The following SLC35F3 variants were observed in gnomAD, a reference collection of about 807,000 sequenced individuals.
SLC35F3 encodes solute carrier family 35 member F3, also known as putative thiamine transporter SLC35F3.
Under a neutral mutation model 49.9 loss-of-function variants are expected in SLC35F3, and 25 were observed. The ratio of observed to expected loss-of-function variants is 0.50; its 90% CI spans 0.37 to 0.70. The LOEUF (loss-of-function observed/expected upper bound fraction) is 0.70, where lower values mean the gene tolerates loss of function less well. Ranked by LOEUF, SLC35F3 falls within the 30% of genes least tolerant of loss-of-function variation. The pLI, the probability that SLC35F3 is intolerant of heterozygous loss-of-function variation, is 0.00. For missense variants in SLC35F3, 525 were observed against 639.8 expected (o/e 0.82, Z 1.94); for synonymous variants, 275 against 265.4 (o/e 1.04, Z -0.35).
intron 2 of SLC35F3, among the ~76,000 whole-genome samples, chr1:234,103,443 C>T (rs1471711870): frequency 6.6e-6 from 1 of 152,114 alleles, no homozygotes; most frequent in Non-Finnish European, 1.5e-5. Flanking sequence ...CATGAGCAAG[C>T]GTTCTCCAAA....
chr1:234,243,415 A>G (rs1161757172), intron 3 of SLC35F3, among the ~76,000 whole-genome samples: 1 of 152,202 alleles, frequency 6.6e-6, no homozygotes, highest in African/African-American at 2.4e-5. Flanking sequence ...CTTTATTATT[A>G]GATAACCGAC....
chr1:234,169,682 A>G (rs1666369032), intron 2 of SLC35F3, among the ~76,000 whole-genome samples: 1 of 152,162 alleles, frequency 6.6e-6, no homozygotes. Context: ...TTTCCTCACC[A>G]TGGCCCAGTA....
chr1:233,908,918 C>T (rs1388405875), intron 2 of SLC35F3, among the ~76,000 whole-genome samples: 2 of 151,970 alleles, frequency 1.3e-5, no homozygotes, highest in Non-Finnish European at 2.9e-5. Flanking sequence ...TGCAGTGGCA[C>T]AATCTCAGCT....
At chr1:233,911,289 G>T (rs1394153425) in intron 2 of SLC35F3, among the ~76,000 whole-genome samples, 1 of 152,030 alleles carries the variant, frequency 6.6e-6, no homozygotes, top group Non-Finnish European at 1.5e-5. Flanking sequence ...AATAGTAAAG[G>T]TCAGGTCAGC....
At position 234,144,354 on chromosome 1, in the gene SLC35F3, A is replaced by G. The variant is rs562291265; in HGVS notation, c.284-87063A>G. 8.5e-5 allele frequency among the ~76,000 whole-genome samples: 13 copies of G among 152,284 alleles called. No homozygotes were observed. In the South Asian group the frequency reaches 2.7e-3, roughly 32 times the overall value. ...TGTAAATGCAAGGGGGTTAGGGAAC[A>G]TCTCTAAAGCCACTAATAAACACAC... On this transcript the variant is annotated intron_variant, in intron 2 of 7. Transcript: ENST00000366618.
chr1:234,306,288 G>A (rs1397397318), intron 3 of SLC35F3, among the ~76,000 whole-genome samples: 4 of 152,102 alleles, frequency 2.6e-5, no homozygotes, highest in African/African-American at 9.7e-5. Flanking sequence ...AGGCTCCCGA[G>A]TAGCTGGGAT....
chr1:234,176,091 G>C (rs1217716211), intron 2 of SLC35F3, among the ~76,000 whole-genome samples: 1 of 152,220 alleles, frequency 6.6e-6, no homozygotes, highest in African/African-American at 2.4e-5. Flanking sequence ...TCAGAAGGCA[G>C]AGCATGGGAC....
At chr1:234,044,084 A>T (rs914271854) in intron 2 of SLC35F3, among the ~76,000 whole-genome samples, 2 of 152,222 alleles carry the variant, frequency 1.3e-5, no homozygotes, top group East Asian at 3.9e-4. Flanking sequence ...TGGCTTGGTG[A>T]CCTTCTCACG....
chr1:234,086,559 C>T (rs1447863842), intron 2 of SLC35F3, among the ~76,000 whole-genome samples: 1 of 152,206 alleles, frequency 6.6e-6, no homozygotes, highest in African/African-American at 2.4e-5. Context: ...TATGTGCATT[C>T]AATCCTACAA....
chr1:234,064,475 C>T (rs2102864243), intron 2 of SLC35F3, among the ~76,000 whole-genome samples: 1 of 152,298 alleles, frequency 6.6e-6, no homozygotes, highest in East Asian at 1.9e-4. Context: ...TCCACTCCAA[C>T]TCTGTAAGCA....
At chr1:234,248,042 G>T (rs1174997913) in intron 3 of SLC35F3, among the ~76,000 whole-genome samples, 1 of 152,026 alleles carries the variant, frequency 6.6e-6, no homozygotes, top group Non-Finnish European at 1.5e-5. Flanking sequence ...TTGTTTGGTA[G>T]GTTGAATGGC....
intron 2 of SLC35F3, among the ~76,000 whole-genome samples, chr1:234,127,689 T>G (rs1665669306): frequency 6.6e-6 from 1 of 152,196 alleles, no homozygotes; most frequent in Non-Finnish European, 1.5e-5. Context: ...TATGCAAGTA[T>G]TACCATAATA....
chr1:233,958,820 A>T (rs1662747650), intron 2 of SLC35F3, among the ~76,000 whole-genome samples: 1 of 152,256 alleles, frequency 6.6e-6, no homozygotes, highest in Non-Finnish European at 1.5e-5. Context: ...AAAAAGACAA[A>T]CAAGTTCTTT....
At chr1:234,240,610 A>C (rs371702878) in intron 3 of SLC35F3, among the ~76,000 whole-genome samples, 1 of 152,150 alleles carries the variant, frequency 6.6e-6, no homozygotes, top group Non-Finnish European at 1.5e-5. Flanking sequence ...CTCTGAAAAA[A>C]AAAAATAAAA....
At chr1:234,170,379 G>T (rs1666383513) in intron 2 of SLC35F3, among the ~76,000 whole-genome samples, 2 of 152,096 alleles carry the variant, frequency 1.3e-5, no homozygotes. Flanking sequence ...TCACTGTGCT[G>T]TCTCCCAGGT....
At chr1:234,229,290 T>C (rs1667332530) in intron 2 of SLC35F3, among the ~76,000 whole-genome samples, 1 of 152,228 alleles carries the variant, frequency 6.6e-6, no homozygotes, top group Admixed American at 6.5e-5. Flanking sequence ...TTATATGTGG[T>C]TATTTTCAAA....
intron 2 of SLC35F3, among the ~76,000 whole-genome samples, chr1:234,124,004 A>C (rs1291441987): frequency 6.6e-6 from 1 of 152,188 alleles, no homozygotes; most frequent in Non-Finnish European, 1.5e-5. Context: ...TATCTCAGAC[A>C]CACTCTCTGA....
intron 2 of SLC35F3, among the ~76,000 whole-genome samples, chr1:234,084,216 AATAG>A (rs1228005682): frequency 2.5e-5 from 3 of 119,528 alleles, no homozygotes; most frequent in African/African-American, 3.7e-5. Context: ...GGTGATAAGG[AATAG>A]ACACACACAC....
rs150190453 is a variant in SLC35F3, at chr1:233,948,228, GGAGAGAGAGA to G, written c.283+42489_283+42498del. Among the ~76,000 whole-genome samples, 35 of 107,680 alleles carry G rather than the reference GGAGAGAGAGA, an allele frequency of 3.3e-4. No homozygotes were observed. The South Asian group carries it at 7.4e-3, about 23-fold the overall frequency. 70.6% of individuals were successfully genotyped at this position (107,680 alleles called of 152,430 possible). On this transcript the variant is annotated intron_variant, in intron 2 of 7. Coordinates refer to ENST00000366618, the MANE Select transcript of SLC35F3 (RefSeq NM_173508.4). Reference sequence around the variant, plus strand: ...GGGAGAGAGGGAGAGAGGGAGAGAGGGAGAGAGAGAGAGAGAGAGAGAGAGAGAATGTGTG... The same window carrying G: ...GGGAGAGAGGGAGAGAGGGAGAGAGGGAGAGAGAGAGAGAGAGAATGTGTG...
Sources: allele counts gnomAD v4.1 joint callset (sites outside exome capture counted in the v4.1 genomes callset), GRCh38; gene constraint gnomAD v4.1.1; transcripts MANE v1.5; gene names NCBI Gene and HGNC (gene_info 2026-07-23, HGNC 2026-07-21).